The following RAP1A variants were observed in gnomAD, a reference collection of about 807,000 sequenced individuals.
RAP1A encodes RAP1A, member of RAS oncogene family.
Under a neutral mutation model 26.4 loss-of-function variants are expected in RAP1A, and 6 were observed. That is an observed-to-expected ratio of 0.23 (90% CI 0.12 to 0.45). The LOEUF (loss-of-function observed/expected upper bound fraction) is 0.45. RAP1A is among the 20% of genes least tolerant of loss of function. The pLI is 0.99. For missense variants in RAP1A, 121 were observed against 217.2 expected (o/e 0.56, Z 2.78); for synonymous variants, 73 against 79.4 (o/e 0.92, Z 0.43).
At chr1:111,712,301 T>A (rs577370239) in intron 7 of RAP1A, 130 bp from the exon 8 acceptor site, 2 of 152,390 alleles carry the variant, frequency 1.3e-5, no homozygotes, top group East Asian at 3.8e-4. Context: ...TTAGCATAAT[T>A]TAGTTCTCAA....
chr1:111,710,037 G>T (rs543666986), intron 7 of RAP1A, among the ~76,000 whole-genome samples: 56 of 152,238 alleles, frequency 3.7e-4, no homozygotes, highest in Admixed American at 9.8e-4. Context: ...CTATACATAT[G>T]GACAGCTTTA....
chr1:111,689,048 C>A (rs1441197707), intron 1 of RAP1A, among the ~76,000 whole-genome samples: 1 of 151,980 alleles, frequency 6.6e-6, no homozygotes, highest in African/African-American at 2.4e-5. Flanking sequence ...ATTATCCAGG[C>A]TGGTCTCTAA....
At chr1:111,665,889 A>G (rs1660785339) in intron 1 of RAP1A, among the ~76,000 whole-genome samples, 1 of 152,224 alleles carries the variant, frequency 6.6e-6, no homozygotes, top group Non-Finnish European at 1.5e-5. Flanking sequence ...TCATTTTAAT[A>G]TGAAGCATAT....
At chr1:111,644,708 C>G (rs1428921437) in intron 1 of RAP1A, among the ~76,000 whole-genome samples, 3 of 152,104 alleles carry the variant, frequency 2.0e-5, no homozygotes, top group African/African-American at 7.2e-5. Flanking sequence ...TGGATCAGAG[C>G]CAGATTATGT....
At chr1:111,653,884 TTGGATAGATAGAGG>T in intron 1 of RAP1A, among the ~76,000 whole-genome samples, 1 of 152,040 alleles carries the variant, frequency 6.6e-6, no homozygotes, top group South Asian at 2.1e-4. Context: ...CACAGAGGAT[TTGGATAGATAGAGG>T]AAGTGGTTAA....
At chr1:111,557,731 G>A (rs760350398) in intron 1 of RAP1A, among the ~76,000 whole-genome samples, 6 of 152,010 alleles carry the variant, frequency 3.9e-5, no homozygotes, top group Non-Finnish European at 4.4e-5. Flanking sequence ...CAAATATATA[G>A]ACATAGACAG....
intron 1 of RAP1A, among the ~76,000 whole-genome samples, chr1:111,655,436 CA>C (rs1557880132): frequency 1.3e-5 from 2 of 151,592 alleles, no homozygotes; most frequent in African/African-American, 2.4e-5. Flanking sequence ...TACGCATTCA[CA>C]AAAGAAAAAA....
chr1:111,676,231 C>T (rs1416726351), intron 1 of RAP1A, among the ~76,000 whole-genome samples: 1 of 152,098 alleles, frequency 6.6e-6, no homozygotes, highest in Non-Finnish European at 1.5e-5. Flanking sequence ...TGGTGGGCGC[C>T]TGTAATCCCA....
Position 111,662,776 on chromosome 1 carries a change from T to TG in RAP1A, c.-27-28557dup, listed in dbSNP as rs1337918957. On this transcript the variant is annotated intron_variant, in intron 1 of 7. Transcript: ENST00000369709. ...ATGTTGTTTACTTAACAGAAACCAG[T>TG]GAGGTATCTTAGTCCAGCTTTGTTG... Among the ~76,000 whole-genome samples the TG allele has an allele frequency of 8.5e-5, 13 of 152,346 alleles. No homozygotes were observed. In the East Asian group the frequency reaches 2.5e-3, roughly 29 times the overall value.
chr1:111,694,039 C>G (rs1004155747), intron 2 of RAP1A, among the ~76,000 whole-genome samples: 15 of 152,064 alleles, frequency 9.9e-5, no homozygotes, highest in African/African-American at 3.6e-4. Flanking sequence ...CAGGTGCATG[C>G]CACCACACCT....
Position 111,628,602 on chromosome 1 carries a change from A to G in RAP1A, c.-28+8668A>G, listed in dbSNP as rs766185239. The stretch of plus-strand genomic sequence containing the variant: ...GATGAATTCGCTTGTAGAGTAAAGA[A>G]TGAATTGAGGAAGGAAGAGGTTGAA... On this transcript the variant is annotated intron_variant, in intron 1 of 7. Transcript: ENST00000369709. Among the ~76,000 whole-genome samples the G allele has an allele frequency of 7.2e-5, 11 of 152,324 alleles. No homozygotes were observed. In the South Asian group the frequency reaches 8.3e-4, roughly 11 times the overall value.
In RAP1A at chr1:111,619,950, G is replaced by A. The variant is rs1659130657; in HGVS notation, c.-28+16G>A. On this transcript the variant is annotated intron_variant, in intron 1 of 7. Transcript: ENST00000369709. ...GACCGGGGGGGTGAGTAAGGGGCGG[G>A]GAGCTCCAGACGGCCCCAGAGGGAG... 1 of 397,216 alleles carries A rather than the reference G, an allele frequency of 2.5e-6. No homozygotes were observed. The highest frequency in any genetic ancestry group is 4.4e-6 in the Non-Finnish European group (1 of 225,334). 24.6% of individuals were successfully genotyped at this position (397,216 alleles called of 1,614,324 possible). A position where few individuals can be genotyped will look rare whatever the true frequency, so the allele number is the denominator to read the frequency against.
At chr1:111,608,462 G>A (rs2993264) in intron 1 of RAP1A, 55,169 of 160,538 alleles carry the variant, frequency 0.34, 6,656 homozygotes, top group East Asian at 0.45. Context: ...GGCGATGGGC[G>A]GCCAGGCAGA....
At chr1:111,665,372 A>G (rs1172464950) in intron 1 of RAP1A, among the ~76,000 whole-genome samples, 2 of 152,182 alleles carry the variant, frequency 1.3e-5, no homozygotes, top group African/African-American at 2.4e-5. Context: ...GAATACCTCT[A>G]TTTATGGAAA....
intron 1 of RAP1A, among the ~76,000 whole-genome samples, chr1:111,554,613 A>T (rs1657405335): frequency 1.3e-5 from 2 of 152,372 alleles, no homozygotes; most frequent in South Asian, 4.1e-4. Flanking sequence ...AATAATTAAA[A>T]GAGACACACA....
chr1:111,709,301 G>A, intron 7 of RAP1A, 37 bp downstream of exon 7: 1 of 1,529,278 alleles, frequency 6.5e-7, no homozygotes, highest in South Asian at 1.3e-5. Context: ...CCTTTCTCAT[G>A]CTCCTATTTT....
chr1:111,666,886 G>C (rs1037324741), intron 1 of RAP1A, among the ~76,000 whole-genome samples: 23 of 152,060 alleles, frequency 1.5e-4, no homozygotes, highest in African/African-American at 4.8e-4. Flanking sequence ...AGCATATCAG[G>C]TTTAAGAAAC....
chr1:111,678,147 GT>G (rs1661183565), intron 1 of RAP1A, among the ~76,000 whole-genome samples: 4 of 152,126 alleles, frequency 2.6e-5, no homozygotes, highest in Admixed American at 2.6e-4. Flanking sequence ...AAGTTTTAAA[GT>G]TATCTTGTCA....
rs144054977 is a variant in RAP1A, at chr1:111,557,498, C to T, written c.-28+14989C>T. Among the ~76,000 whole-genome samples, 1,379 of 150,636 alleles carry T rather than the reference C, an allele frequency of 9.2e-3. 17 individuals carry two copies. Among genetic ancestry groups the T allele is most frequent in the African/African-American group, 0.032 (1,331 of 40,962 alleles). ...CCAGGAGGAGGAGGTTGCAGTGAGC[C>T]GAGATCACACCACTGCACTCCAGCC... is the stretch of plus-strand genomic sequence containing the variant. On this transcript the variant is annotated intron_variant, in intron 1 of 7. Coordinates refer to the RAP1A transcript ENST00000356415.
Sources: allele counts gnomAD v4.1 joint callset (sites outside exome capture counted in the v4.1 genomes callset), GRCh38; gene constraint gnomAD v4.1.1; transcripts MANE v1.5; gene names NCBI Gene and HGNC (gene_info 2026-07-23, HGNC 2026-07-21).